Variants in USP40 observed in about 807,000 individuals in gnomAD.
The protein encoded by USP40 is ubiquitin carboxyl-terminal hydrolase 40.
A neutral mutation model predicts 166.2 loss-of-function variants in USP40; 143 were observed. The ratio of observed to expected loss-of-function variants is 0.86; its 90% CI spans 0.75 to 0.99. USP40 has a LOEUF of 0.99. USP40 is among the 50% of genes least tolerant of loss of function. The probability of loss-of-function intolerance (pLI) is 0.00; values close to 1 mark genes in which losing one functional copy is unlikely to be tolerated. For missense variants in USP40, 1,444 were observed against 1,479.7 expected, an observed-to-expected ratio of 0.98 and a Z score of 0.40; for synonymous variants, 498 against 524.0, an observed-to-expected ratio of 0.95 and a Z score of 0.68.
intron 23 of USP40, among the ~76,000 whole-genome samples, chr2:233,497,171 C>A (rs776572363): frequency 3.3e-5 from 5 of 151,678 alleles, no homozygotes; most frequent in Admixed American, 6.6e-5. Flanking sequence ...GAATTTCTCA[C>A]GAAAAAAAGG....
At position 233,557,005 on chromosome 2, in the gene USP40, A is replaced by G; in HGVS notation, c.396T>C (p.His132=). ...GGATTCGATTCAGTTCCTGCACATCATGTTGCCTCATTTCCTACAAAACAG... is the reference window on the plus strand; with the variant it reads ...GGATTCGATTCAGTTCCTGCACATCGTGTTGCCTCATTTCCTACAAAACAG... The part of the protein sequence containing the change: ...GWTSNEEMRQ[H]DVQELNRILF... The change falls in exon 5 of 32, where the codon CAT becomes CAC. Residue 132 remains histidine, a synonymous_variant. Coordinates refer to ENST00000678225, the MANE Select transcript of USP40 (RefSeq NM_001365479.2). The G allele has an allele frequency of 3.1e-6, 5 of 1,611,366 alleles. No individual in the cohort carries two copies. Among genetic ancestry groups the G allele is most frequent in the Non-Finnish European group, 4.2e-6 (5 of 1,179,210 alleles).
At chr2:233,514,536 A>G (rs997394630) in intron 18 of USP40, among the ~76,000 whole-genome samples, 2 of 152,128 alleles carry the variant, frequency 1.3e-5, no homozygotes, top group African/African-American at 4.8e-5. Flanking sequence ...GTTACAGTTA[A>G]GCAGGGGTCA....
At chr2:233,482,144 T>C (rs771631562) in intron 30 of USP40, among the ~76,000 whole-genome samples, 2 of 152,206 alleles carry the variant, frequency 1.3e-5, no homozygotes, top group Non-Finnish European at 2.9e-5. Context: ...TGTCAAGTAT[T>C]ATAATCTCTA....
At chr2:233,543,117 T>C (rs1422240459) in intron 8 of USP40, among the ~76,000 whole-genome samples, 2 of 152,176 alleles carry the variant, frequency 1.3e-5, no homozygotes, top group Admixed American at 1.3e-4. Context: ...TTGGGGAACA[T>C]GTCAAAATTC....
intron 13 of USP40, among the ~76,000 whole-genome samples, chr2:233,526,272 A>G (rs1158299868): frequency 6.6e-6 from 1 of 152,228 alleles, no homozygotes; most frequent in East Asian, 1.9e-4. Context: ...AGGCATATAC[A>G]CTTAAAACAC....
chr2:233,563,606 T>C (rs1047153318), intron 2 of USP40, among the ~76,000 whole-genome samples: 1 of 152,194 alleles, frequency 6.6e-6, no homozygotes, highest in Non-Finnish European at 1.5e-5. Flanking sequence ...AAAACTTTTA[T>C]AATAATCTCC....
rs924821630 is a variant in USP40 at position 233,483,390 on chromosome 2, C to G, written c.3505-2093G>C. ...CCTGTGGTCCCAGCTACTTGGGAGG[C>G]TAACGTGGGAGGATCGCTTGAGCCC... On this transcript the variant is annotated intron_variant, in intron 30 of 31. Transcript: ENST00000678225. 3.9e-5 allele frequency among the ~76,000 whole-genome samples: 6 copies of G among 152,082 alleles called. No homozygotes were observed. In the South Asian group the frequency reaches 1.2e-3, roughly 32 times the overall value.
rs1289687216 is a variant in USP40 at position 233,480,655 on chromosome 2, T to C, written c.3599+548A>G. Among the ~76,000 whole-genome samples, 1 of 152,166 alleles carries C rather than the reference T, an allele frequency of 6.6e-6. No homozygotes were observed. On this transcript the variant is annotated intron_variant, in intron 31 of 31. Transcript: ENST00000678225. This position sits in a 1 kb window ranked among gnomAD's most constrained non-coding sequence, Gnocchi z 4.5. ...GAGGAGGGAGAGAGGCAAGGAGTCC[T>C]GAGCAGAGGTAGAAGATGGCCTGTG...
chr2:233,532,612 C>T (rs2068628801), intron 11 of USP40, among the ~76,000 whole-genome samples: 2 of 152,150 alleles, frequency 1.3e-5, no homozygotes, highest in African/African-American at 4.8e-5. Context: ...CTTTGCTTTG[C>T]TGGGCGTTTT....
rs1181870882 is a variant in USP40 at position 233,521,243 on chromosome 2, T to C, written c.2202-129A>G. On this transcript the variant is annotated intron_variant, in intron 16 of 31. Coordinates refer to ENST00000678225, the MANE Select transcript of USP40 (RefSeq NM_001365479.2). ...TCTACTGAGTCGTCTCTATGATAAG[T>C]GGGCTACCTTTGCAGGGTAATGTTA... 5.9e-6 allele frequency: 6 copies of C among 1,023,730 alleles called. No homozygotes were observed. The African/African-American group carries it at 6.5e-5, about 11-fold the overall frequency. The allele number at this position is 1,023,730 out of a possible 1,614,324, so 63.4% of individuals were successfully genotyped here. A position where few individuals can be genotyped will look rare whatever the true frequency, so the allele number is the denominator to read the frequency against.
chr2:233,482,801 T>C (rs1321814602), intron 30 of USP40, among the ~76,000 whole-genome samples: 1 of 152,140 alleles, frequency 6.6e-6, no homozygotes, highest in Non-Finnish European at 1.5e-5. Flanking sequence ...CCCAGAGCGT[T>C]GGGATTACAG....
At chr2:233,501,023 T>C (rs1174053966) in intron 21 of USP40, among the ~76,000 whole-genome samples, 2 of 152,196 alleles carry the variant, frequency 1.3e-5, no homozygotes, top group Admixed American at 6.5e-5. Context: ...TGATTACTTG[T>C]ATGACAAAAA....
At chr2:233,484,964 G>A (rs1321290680) in intron 30 of USP40, among the ~76,000 whole-genome samples, 2 of 152,184 alleles carry the variant, frequency 1.3e-5, no homozygotes, top group East Asian at 3.8e-4. Flanking sequence ...CCACTTTAAT[G>A]AAAATGGAAG....
Position 233,486,590 on chromosome 2 carries a change from A to G in USP40, c.3198-613T>C, listed in dbSNP as rs536507909. Reference sequence around the variant, plus strand: ...ACAGGCCATGGAGGAAAAGCTATAGATAAGAACTGGAAGGCAGCAAGGGGA... The same window carrying G: ...ACAGGCCATGGAGGAAAAGCTATAGGTAAGAACTGGAAGGCAGCAAGGGGA... On this transcript the variant is annotated intron_variant, in intron 28 of 31. Transcript: ENST00000678225. The surrounding 1 kb of genome is among the most constrained non-coding windows in gnomAD (Gnocchi z 4.0). Among the ~76,000 whole-genome samples, 1 of 152,334 alleles carries G rather than the reference A, an allele frequency of 6.6e-6. No individual in the cohort carries two copies. The highest frequency in any genetic ancestry group is 2.4e-5 in the African/African-American group (1 of 41,564).
Position 233,493,695 on chromosome 2 carries a change from A to C in USP40, c.2791-144T>G. 1 of 1,082,162 alleles carries C rather than the reference A, an allele frequency of 9.2e-7. No individual in the cohort carries two copies. Among genetic ancestry groups the C allele is most frequent in the South Asian group, 2.3e-5 (1 of 42,634 alleles). The allele number at this position is 1,082,162 out of a possible 1,614,324, so 67.0% of individuals were successfully genotyped here. A position where few individuals can be genotyped will look rare whatever the true frequency, so the allele number is the denominator to read the frequency against. ...CTTTTAGATTTATTAACTGTCATAA[A>C]TTATACTTGTTTTTACAATCAAAAA... On this transcript the variant is annotated intron_variant, in intron 24 of 31. Coordinates refer to ENST00000678225, the MANE Select transcript of USP40 (RefSeq NM_001365479.2). This position sits in a 1 kb window ranked among gnomAD's most constrained non-coding sequence, Gnocchi z 4.7.
intron 24 of USP40, among the ~76,000 whole-genome samples, chr2:233,495,295 T>C (rs1459472454): frequency 1.3e-5 from 2 of 151,994 alleles, no homozygotes; most frequent in Non-Finnish European, 2.9e-5. Context: ...GCTATGTATA[T>C]ACACATTGAA....
chr2:233,554,416 G>A lies in USP40; in HGVS notation c.657C>T (p.His219=), dbSNP rs2070864126. The part of the protein sequence containing the change: ...EEVFDCDNLY[H]CGTCDRLVKA... Reference sequence around the variant, plus strand: ...TAACCAGCCTGTCACAAGTTCCACAGTGGTACAAGTTGTCACAATCAAAAA... The same window carrying A: ...TAACCAGCCTGTCACAAGTTCCACAATGGTACAAGTTGTCACAATCAAAAA... The change falls in exon 6 of 32, where the codon CAC becomes CAT. Residue 219 remains histidine (H), a synonymous_variant. Coordinates refer to ENST00000678225, the MANE Select transcript of USP40 (RefSeq NM_001365479.2). The A allele has an allele frequency of 3.1e-6, 5 of 1,612,898 alleles. No individual in the cohort carries two copies. Among genetic ancestry groups the A allele is most frequent in the African/African-American group, 2.7e-5 (2 of 74,850 alleles).
chr2:233,523,055 T>A (rs1206436775), intron 16 of USP40, 115 bp downstream of exon 16: 85 of 1,156,884 alleles, frequency 7.3e-5, no homozygotes, highest in Non-Finnish European at 8.3e-5. Context: ...ACATAATGTC[T>A]AGAAATAAAG....
intron 31 of USP40, 141 bp downstream of exon 31, chr2:233,481,062 G>A (rs1037028057): frequency 9.2e-5 from 67 of 732,016 alleles, no homozygotes; most frequent in Non-Finnish European, 1.3e-4. Flanking sequence ...AGGGGGCGGA[G>A]AAGGACCCGC....
Sources: gnomAD v4.1 joint callset for allele counts (sites outside exome capture counted in the v4.1 genomes callset) on GRCh38, gnomAD v4.1.1 for gene constraint, Gnocchi (gnomAD v3.1) non-coding constraint, MANE v1.5 for transcripts, NCBI Gene and HGNC (gene_info 2026-07-23, HGNC 2026-07-21) for gene names.